Variants in CIB1 observed in about 807,000 individuals in gnomAD.
CIB1 encodes calcium and integrin binding 1.
A neutral mutation model predicts 25.0 loss-of-function variants in CIB1; 19 were observed. The observed-to-expected ratio is 0.76, with a 90% CI of 0.53 to 1.12. The LOEUF (loss-of-function observed/expected upper bound fraction) is 1.12. CIB1 is among the 50% of genes most tolerant of loss of function. CIB1 has a pLI of 0.00. For synonymous variants in CIB1, 104 were observed against 98.5 expected (o/e 1.06, Z -0.33); for missense variants, 236 against 242.6 (o/e 0.97, Z 0.18).
chr15:90,261,919 A>G, the CIB1 span: 1 of 1,104,916 alleles, frequency 9.1e-7, no homozygotes, highest in Admixed American at 3.2e-5. Flanking sequence ...AGCCAGCAGG[A>G]GGGTCTCCAA....
the CIB1 span, among the ~76,000 whole-genome samples, chr15:90,246,921 G>A: frequency 1.3e-5 from 2 of 150,136 alleles, no homozygotes; most frequent in Admixed American, 6.7e-5. Context: ...TGCAATGAGT[G>A]TCCTGGAAGT....
At chr15:90,234,081 T>C, upstream of CIB1, 1 of 472,870 alleles carries the variant, frequency 2.1e-6, no homozygotes, top group Non-Finnish European at 3.4e-6. Flanking sequence ...CTCCAAGCGG[T>C]CCTAGGCGAG....
At chr15:90,264,093 A>T in the CIB1 span, 25 of 1,346,398 alleles carry the variant, frequency 1.9e-5, no homozygotes, top group East Asian at 6.2e-4. Context: ...TCATTTTGAC[A>T]TATGTAAATC....
At position 90,231,412 on chromosome 15, in the gene CIB1, C is replaced by A. The variant is rs1962487442; in HGVS notation, c.291G>T (p.Val97=). 1 of 1,614,108 alleles carries A rather than the reference C, an allele frequency of 6.2e-7. No homozygotes were observed. The highest frequency in any genetic ancestry group is 8.5e-7 in the Non-Finnish European group (1 of 1,180,050). The stretch of plus-strand genomic sequence containing the variant: ...TGTCTGGCGTGGCTGTGTCACTGAA[C>A]ACACTGAGGAGATCCAGGAAGTCCT... ...SFEDFLDLLS[V]FSDTATPDIK... The change falls in exon 4 of 7, where the codon GTG becomes GTT. Residue 97 remains valine (V), a synonymous_variant. Coordinates refer to ENST00000328649, the MANE Select transcript of CIB1 (RefSeq NM_006384.4).
At chr15:90,262,497 A>C in the CIB1 span, 15 of 1,492,540 alleles carry the variant, frequency 1.0e-5, no homozygotes, top group Non-Finnish European at 1.2e-5. Context: ...GTCAGGCAGC[A>C]ACTAGAGGAG....
chr15:90,231,641 G>A, intron 3 of CIB1, 134 bp from the exon 4 acceptor site: 2 of 1,030,612 alleles, frequency 1.9e-6, no homozygotes, highest in Non-Finnish European at 2.8e-6. Context: ...AGTGCTTTGG[G>A]GCCAACATGG....
the CIB1 span, chr15:90,262,378 A>T: frequency 8.1e-7 from 1 of 1,235,454 alleles, no homozygotes; most frequent in Non-Finnish European, 1.1e-6. Context: ...TTGCTCTCGC[A>T]TCAGTCCTAA....
chr15:90,262,349 T>C, the CIB1 span: 6 of 1,136,232 alleles, frequency 5.3e-6, no homozygotes, highest in Non-Finnish European at 7.2e-6. Flanking sequence ...TTTAGTAGGT[T>C]TCCTATCTTC....
chr15:90,257,297 A>G, the CIB1 span: 10 of 1,600,896 alleles, frequency 6.2e-6, no homozygotes, highest in African/African-American at 1.3e-5. Context: ...GGGACTGGGA[A>G]GCACTCTTCT....
upstream of CIB1, among the ~76,000 whole-genome samples, chr15:90,236,644 A>C (rs866196515): frequency 5.4e-5 from 8 of 148,164 alleles, no homozygotes; most frequent in Admixed American, 4.0e-4. Context: ...CCTGATTCTC[A>C]TGCCTCAGCC....
rs1387853707 is a variant in CIB1 at position 90,230,511 on chromosome 15, C to G, written c.555-6G>C. 1 of 1,551,632 alleles carries G rather than the reference C, an allele frequency of 6.4e-7. No homozygotes were observed. The highest frequency in any genetic ancestry group is 8.7e-7 in the Non-Finnish European group (1 of 1,146,974). On this transcript the variant is annotated splice_polypyrimidine_tract_variant and splice_region_variant and intron_variant, in intron 6 of 6. Transcript: ENST00000328649. ...ACAGGACAATCTTAAAGGAGCTGAA[C>G]AAGAGAAAAGCGGTGGGTTTTCTGC... is the stretch of plus-strand genomic sequence containing the variant.
the CIB1 span, among the ~76,000 whole-genome samples, chr15:90,239,641 C>T: frequency 6.6e-6 from 1 of 152,208 alleles, no homozygotes; most frequent in African/African-American, 2.4e-5. Flanking sequence ...GCCCCTCCCA[C>T]AACAAGTGGG....
chr15:90,241,735 C>T, the CIB1 span: 2 of 1,614,238 alleles, frequency 1.2e-6, no homozygotes, highest in South Asian at 1.1e-5. Flanking sequence ...GTATGTCGGG[C>T]CACTGATTAT....
At chr15:90,241,531 T>C in the CIB1 span, 1 of 1,613,544 alleles carries the variant, frequency 6.2e-7, no homozygotes, top group Non-Finnish European at 8.5e-7. Flanking sequence ...TTCAACAGCC[T>C]GGGAGGCTTG....
chr15:90,243,723 A>T, the CIB1 span: 1 of 143,790 alleles, frequency 7.0e-6, no homozygotes, highest in Non-Finnish European at 1.5e-5. Flanking sequence ...AAGACAGCTA[A>T]CTGCAAGCTT....
rs1204481874 is a variant in CIB1 at position 90,230,466 on chromosome 15, C to T, written c.*18G>A. ...AAGGTTCTTGGACAGGGTGCCAGGA[C>T]ACACGCTGGGGCTGCTGTCACAGGA... On this transcript the variant is annotated 3_prime_UTR_variant, in exon 7 of 7. Coordinates refer to ENST00000328649, the MANE Select transcript of CIB1 (RefSeq NM_006384.4). 60 of 1,551,614 alleles carry T rather than the reference C, an allele frequency of 3.9e-5. No individual in the cohort carries two copies. Among genetic ancestry groups the T allele is most frequent in the Non-Finnish European group, 5.2e-5 (60 of 1,146,988 alleles).
the CIB1 span, chr15:90,253,134 C>T: frequency 3.0e-6 from 2 of 659,140 alleles, no homozygotes; most frequent in South Asian, 2.3e-5. Context: ...CAAGAACTAC[C>T]TCCCTCTTCA....
chr15:90,261,342 G>A, the CIB1 span, among the ~76,000 whole-genome samples: 39 of 147,878 alleles, frequency 2.6e-4, no homozygotes, highest in South Asian at 1.3e-3. Flanking sequence ...GCCTCCCAAA[G>A]TGCTTGCATT....
chr15:90,239,771 C>T, the CIB1 span, among the ~76,000 whole-genome samples: 71 of 152,218 alleles, frequency 4.7e-4, no homozygotes, highest in African/African-American at 1.5e-3. Flanking sequence ...TGCAATGGTG[C>T]GATCTCGGCA....
Sources: gnomAD v4.1 joint callset for allele counts (sites outside exome capture counted in the v4.1 genomes callset) on GRCh38, gnomAD v4.1.1 for gene constraint, MANE v1.5 for transcripts, NCBI Gene and HGNC (gene_info 2026-07-23, HGNC 2026-07-21) for gene names.